CPEB3: variants seen among roughly 807,000 people sequenced by gnomAD.
CPEB3 encodes cytoplasmic polyadenylation element binding protein 3.
A neutral mutation model predicts 67.2 loss-of-function variants in CPEB3; 20 were observed. That is an observed-to-expected ratio of 0.30 (90% confidence interval 0.21 to 0.43). The LOEUF (loss-of-function observed/expected upper bound fraction) is 0.43, where lower values mean the gene tolerates loss of function less well. Among genes scored for constraint, CPEB3 ranks in the 20% least tolerant of loss-of-function variants. The pLI is 1.00. For synonymous variants in CPEB3, 376 were observed against 393.1 expected (o/e 0.96, Z 0.51); for missense variants, 746 against 968.6 (o/e 0.77, Z 3.05).
At chr10:92,142,095 G>A (rs1846463134) in intron 6 of CPEB3, among the ~76,000 whole-genome samples, 1 of 150,372 alleles carries the variant, frequency 6.7e-6, no homozygotes, top group Non-Finnish European at 1.5e-5. Context: ...TTATTTTTGT[G>A]GGTTATGAAG....
intron 1 of CPEB3, among the ~76,000 whole-genome samples, chr10:92,264,189 ATGG>A (rs1852937044): frequency 6.6e-6 from 1 of 152,062 alleles, no homozygotes; most frequent in African/African-American, 2.4e-5. Context: ...TTAGCTGGGC[ATGG>A]TGGTGCATGC....
At chr10:92,278,453 C>A (rs1842096297) in intron 1 of CPEB3, among the ~76,000 whole-genome samples, 2 of 152,140 alleles carry the variant, frequency 1.3e-5, no homozygotes, top group Admixed American at 6.6e-5. Context: ...TAAATTTATT[C>A]CTAAACATTT....
intron 9 of CPEB3, 23 bp downstream of exon 9, chr10:92,081,297 T>C (rs372125702): frequency 4.6e-5 from 75 of 1,613,840 alleles, no homozygotes; most frequent in Non-Finnish European, 6.0e-5. Flanking sequence ...CCCATAGCAG[T>C]TTCACCCTAA....
At chr10:92,144,320 G>A (rs535699015) in intron 5 of CPEB3, among the ~76,000 whole-genome samples, 1 of 152,156 alleles carries the variant, frequency 6.6e-6, no homozygotes, top group Admixed American at 6.5e-5. Flanking sequence ...CATCCAGGCT[G>A]GAGTTCAGTG....
At chr10:92,098,118 G>A (rs971646335) in intron 7 of CPEB3, among the ~76,000 whole-genome samples, 10 of 120,266 alleles carry the variant, frequency 8.3e-5, no homozygotes, top group Admixed American at 6.3e-4. Flanking sequence ...CCAAGATCGC[G>A]CCATTGCACT....
At chr10:92,280,180 T>C (rs1003495760) in intron 1 of CPEB3, among the ~76,000 whole-genome samples, 1 of 151,082 alleles carries the variant, frequency 6.6e-6, no homozygotes, top group Non-Finnish European at 1.5e-5. Flanking sequence ...CGGTCTCTAT[T>C]AGAAATACAA....
At chr10:92,086,656 G>A (rs1276633575) in intron 8 of CPEB3, among the ~76,000 whole-genome samples, 1 of 152,298 alleles carries the variant, frequency 6.6e-6, no homozygotes, top group Middle Eastern at 3.4e-3. Context: ...GGACAGAGTG[G>A]TATTCAAATG....
Position 92,181,035 on chromosome 10 carries a change from AT to A in CPEB3, c.1166-17del. 1 of 1,393,888 alleles carries A rather than the reference AT, an allele frequency of 7.2e-7. No individual in the cohort carries two copies. Among genetic ancestry groups the A allele is most frequent in the Non-Finnish European group, 1.0e-6 (1 of 982,932 alleles). The allele number at this position is 1,393,888 out of a possible 1,614,324, so 86.3% of individuals were successfully genotyped here. On this transcript the variant is annotated splice_polypyrimidine_tract_variant and intron_variant, in intron 3 of 9. Transcript: ENST00000265997. ...CCCATGCGTCCTAAAAAATAAAATA[AT>A]TTTAAGCAAAAAGAATGTTTAATGT...
intron 7 of CPEB3, among the ~76,000 whole-genome samples, chr10:92,098,160 TAAAAAAAAAAAAAAAAAAAA>T (rs1166249584): frequency 5.3e-4 from 19 of 36,126 alleles, no homozygotes; most frequent in Admixed American, 2.3e-3. Context: ...ACACTCTGCC[TAAAAAAAAAAAAAAAAAAAA>T]AAAAAAAAAA....
chr10:92,137,680 C>T (rs1485492609), intron 6 of CPEB3: 1 of 500,652 alleles, frequency 2.0e-6, no homozygotes, highest in Non-Finnish European at 3.6e-6. Flanking sequence ...CCTAGGCAGT[C>T]ATCTTCATCA....
chr10:92,237,574 A>C (rs541685440), intron 2 of CPEB3, among the ~76,000 whole-genome samples: 1 of 152,332 alleles, frequency 6.6e-6, no homozygotes, highest in African/African-American at 2.4e-5. Flanking sequence ...AGTTGTATTC[A>C]GAGTCAACTC....
At chr10:92,257,953 C>T (rs2134855908) in intron 1 of CPEB3, among the ~76,000 whole-genome samples, 1 of 152,174 alleles carries the variant, frequency 6.6e-6, no homozygotes, top group East Asian at 1.9e-4. Context: ...TGGTCTCACA[C>T]TCCTGACCTC....
chr10:92,217,717 G>A (rs1850498714), intron 2 of CPEB3, among the ~76,000 whole-genome samples: 1 of 151,890 alleles, frequency 6.6e-6, no homozygotes, highest in Non-Finnish European at 1.5e-5. Flanking sequence ...AGCCAAGATC[G>A]TGCCATTGCA....
At chr10:92,083,043 G>A (rs1314564668) in intron 8 of CPEB3, among the ~76,000 whole-genome samples, 1 of 152,118 alleles carries the variant, frequency 6.6e-6, no homozygotes, top group East Asian at 1.9e-4. Context: ...AGCATTACTG[G>A]TTTCTGTACT....
intron 7 of CPEB3, among the ~76,000 whole-genome samples, chr10:92,098,115 C>T (rs1010735103): frequency 6.0e-5 from 7 of 116,342 alleles, no homozygotes; most frequent in East Asian, 5.9e-4. Flanking sequence ...GAGCCAAGAT[C>T]GCGCCATTGC....
chr10:92,148,513 C>T (rs1321243541), intron 4 of CPEB3, among the ~76,000 whole-genome samples: 1 of 152,090 alleles, frequency 6.6e-6, no homozygotes, highest in Non-Finnish European at 1.5e-5. Flanking sequence ...CTAACACTTT[C>T]CCCAAGGACC....
At chr10:92,175,092 C>T (rs1848164769) in intron 4 of CPEB3, among the ~76,000 whole-genome samples, 1 of 151,956 alleles carries the variant, frequency 6.6e-6, no homozygotes, top group Non-Finnish European at 1.5e-5. Flanking sequence ...CATCATTACA[C>T]ATGACTTCTC....
intron 9 of CPEB3, among the ~76,000 whole-genome samples, chr10:92,079,077 T>C (rs1843041858): frequency 6.6e-6 from 1 of 152,154 alleles, no homozygotes; most frequent in African/African-American, 2.4e-5. Context: ...AGAAAGCTAC[T>C]TCCATATAAA....
intron 3 of CPEB3, among the ~76,000 whole-genome samples, chr10:92,191,355 T>C (rs913939279): frequency 2.0e-5 from 3 of 151,614 alleles, no homozygotes; most frequent in Non-Finnish European, 4.4e-5. Flanking sequence ...TGAGCCAAGA[T>C]TGTGCCACTG....
Sources: allele counts gnomAD v4.1 joint callset (sites outside exome capture counted in the v4.1 genomes callset), GRCh38; gene constraint gnomAD v4.1.1; transcripts MANE v1.5; gene names NCBI Gene and HGNC (gene_info 2026-07-23, HGNC 2026-07-21).